The following STXBP6 variants were observed in gnomAD, a reference collection of about 807,000 sequenced individuals.
STXBP6 encodes syntaxin-binding protein 6.
STXBP6 carries 21 observed loss-of-function variants against 26.9 expected under a neutral mutation model. The ratio of observed to expected loss-of-function variants is 0.78; its 90% confidence interval spans 0.55 to 1.12. The LOEUF (loss-of-function observed/expected upper bound fraction) is 1.12. STXBP6 is among the 50% of genes most tolerant of loss of function. The probability of loss-of-function intolerance (pLI) is 0.00; values close to 1 mark genes in which losing one functional copy is unlikely to be tolerated. For synonymous variants in STXBP6, 97 were observed against 92.6 expected (o/e 1.05, Z -0.27); for missense variants, 232 against 257.9 (o/e 0.90, Z 0.69).
At chr14:24,845,651 T>C (rs1322106852) in intron 4 of STXBP6, among the ~76,000 whole-genome samples, 1 of 152,208 alleles carries the variant, frequency 6.6e-6, no homozygotes, top group African/African-American at 2.4e-5. Flanking sequence ...GCTTTCAGAA[T>C]TGTTTAAGAA....
chr14:25,031,197 C>G (rs530060984), intron 1 of STXBP6, among the ~76,000 whole-genome samples: 1 of 152,066 alleles, frequency 6.6e-6, no homozygotes, highest in Non-Finnish European at 1.5e-5. Context: ...GCTTTGGTTA[C>G]GAAAAAGCAA....
intron 1 of STXBP6, among the ~76,000 whole-genome samples, chr14:24,992,610 C>T (rs761837122): frequency 1.3e-5 from 2 of 152,210 alleles, no homozygotes; most frequent in East Asian, 1.9e-4. Flanking sequence ...AATGAATGGA[C>T]GTCACTGCGT....
Position 24,962,756 on chromosome 14 carries a change from C to T in STXBP6, c.154+11909G>A, listed in dbSNP as rs553591314. On this transcript the variant is annotated intron_variant, in intron 2 of 5. Transcript: ENST00000323944. ...GCACAGAGAAGAACGATTCCAGTCC[C>T]ATCCTACCACTCACTAGCAGTGTGA... is the stretch of plus-strand genomic sequence containing the variant. Among the ~76,000 whole-genome samples the T allele has an allele frequency of 1.5e-4, 23 of 152,142 alleles. No individual in the cohort carries two copies. In the South Asian group the frequency reaches 2.1e-3, roughly 14 times the overall value.
chr14:25,031,600 G>A (rs2075456130), intron 1 of STXBP6, among the ~76,000 whole-genome samples: 1 of 152,080 alleles, frequency 6.6e-6, no homozygotes, highest in African/African-American at 2.4e-5. Context: ...TAATAAATTG[G>A]CTTTAATCGT....
At chr14:24,868,820 C>A (rs1039939675) in intron 2 of STXBP6, among the ~76,000 whole-genome samples, 3 of 152,178 alleles carry the variant, frequency 2.0e-5, no homozygotes, top group Non-Finnish European at 4.4e-5. Flanking sequence ...AAGGGATAGT[C>A]TAACCCACTC....
At chr14:25,005,767 A>G (rs1295189581) in intron 1 of STXBP6, among the ~76,000 whole-genome samples, 1 of 152,078 alleles carries the variant, frequency 6.6e-6, no homozygotes, top group East Asian at 1.9e-4. Flanking sequence ...AGTGAACTGT[A>G]AAAAATAATT....
intron 2 of STXBP6, among the ~76,000 whole-genome samples, chr14:24,883,442 AC>A (rs2070447828): frequency 6.6e-6 from 1 of 152,200 alleles, no homozygotes; most frequent in Non-Finnish European, 1.5e-5. Flanking sequence ...CAACAAGTAT[AC>A]CACTATTACT....
At chr14:24,944,297 C>G (rs1171905475) in intron 2 of STXBP6, among the ~76,000 whole-genome samples, 3 of 152,212 alleles carry the variant, frequency 2.0e-5, no homozygotes, top group Admixed American at 6.5e-5. Flanking sequence ...GCAAGCTGGG[C>G]AGACTCCAAC....
intron 2 of STXBP6, among the ~76,000 whole-genome samples, chr14:24,865,123 AT>A (rs1196108383): frequency 3.0e-4 from 45 of 152,254 alleles, no homozygotes; most frequent in Admixed American, 2.6e-3. Context: ...ACATGTACAT[AT>A]TTTATGACCC....
intron 4 of STXBP6, among the ~76,000 whole-genome samples, chr14:24,842,974 A>G: frequency 6.6e-6 from 1 of 152,140 alleles, no homozygotes; most frequent in East Asian, 1.9e-4. Context: ...GGGAGTCACA[A>G]TTTTGGAATT....
intron 1 of STXBP6, among the ~76,000 whole-genome samples, chr14:24,985,226 T>C (rs2074301689): frequency 6.6e-6 from 1 of 152,188 alleles, no homozygotes; most frequent in Non-Finnish European, 1.5e-5. Flanking sequence ...GAGTTGACAA[T>C]ACATTAGCAG....
chr14:24,859,948 A>G (rs933456029), intron 2 of STXBP6, among the ~76,000 whole-genome samples: 2 of 152,198 alleles, frequency 1.3e-5, no homozygotes, highest in African/African-American at 2.4e-5. Context: ...CTTTGCTATT[A>G]GCTCTGAAAA....
At chr14:24,909,320 C>A (rs1007755810) in intron 2 of STXBP6, among the ~76,000 whole-genome samples, 2 of 152,236 alleles carry the variant, frequency 1.3e-5, no homozygotes, top group African/African-American at 2.4e-5. Flanking sequence ...CCAGTTCACA[C>A]CAGCCAATCC....
chr14:24,911,064 C>T (rs2071554358), intron 2 of STXBP6, among the ~76,000 whole-genome samples: 1 of 152,166 alleles, frequency 6.6e-6, no homozygotes, highest in South Asian at 2.1e-4. Context: ...TTGGCTCACA[C>T]CTGTAACCCC....
At chr14:24,890,152 T>C (rs543294723) in intron 2 of STXBP6, among the ~76,000 whole-genome samples, 1 of 152,350 alleles carries the variant, frequency 6.6e-6, no homozygotes, top group East Asian at 1.9e-4. Context: ...ACAGAGCTAG[T>C]GCCCAAACAC....
At chr14:25,029,354 C>G (rs1009315232) in intron 1 of STXBP6, among the ~76,000 whole-genome samples, 7 of 152,276 alleles carry the variant, frequency 4.6e-5, no homozygotes, top group Middle Eastern at 3.4e-3. Context: ...AGGCAAGACC[C>G]TCGACCAGCA....
chr14:24,858,456 C>A (rs1400149696), intron 2 of STXBP6, among the ~76,000 whole-genome samples: 1 of 152,056 alleles, frequency 6.6e-6, no homozygotes, highest in African/African-American at 2.4e-5. Context: ...TTTTTAAGTT[C>A]AAATAATGTT....
chr14:24,844,184 C>T (rs916262247), intron 4 of STXBP6, among the ~76,000 whole-genome samples: 1 of 152,220 alleles, frequency 6.6e-6, no homozygotes, highest in Admixed American at 6.5e-5. Context: ...GAGGGTAGCG[C>T]ACCTCAACTC....
chr14:24,819,464 A>G (rs561432309), intron 4 of STXBP6: 49 of 584,972 alleles, frequency 8.4e-5, no homozygotes, highest in African/African-American at 7.8e-4. Flanking sequence ...CCATTCTGCC[A>G]GTATTCTATC....
Sources: allele counts gnomAD v4.1 joint callset (sites outside exome capture counted in the v4.1 genomes callset), GRCh38; gene constraint gnomAD v4.1.1; transcripts MANE v1.5; gene names NCBI Gene and HGNC (gene_info 2026-07-23, HGNC 2026-07-21).